The following TDRD9 variants were observed in gnomAD, a reference collection of about 807,000 sequenced individuals.
TDRD9 encodes tudor domain containing 9, also known as ATP-dependent RNA helicase TDRD9.
In TDRD9, 124 loss-of-function variants were observed where a neutral mutation model predicts 172.6. That is an observed-to-expected ratio of 0.72 (90% CI 0.62 to 0.83). The LOEUF is 0.83. Among genes scored for constraint, TDRD9 ranks in the 40% least tolerant of loss-of-function variants. The pLI, the probability that TDRD9 is intolerant of heterozygous loss-of-function variation, is 0.00. For missense variants in TDRD9, 1,479 were observed against 1,714.1 expected, an observed-to-expected ratio of 0.86 and a Z score of 2.42; for synonymous variants, 619 against 617.1, an observed-to-expected ratio of 1.00 and a Z score of -0.05.
At chr14:104,001,768 C>A (rs1179359108) in intron 13 of TDRD9, among the ~76,000 whole-genome samples, 1 of 152,056 alleles carries the variant, frequency 6.6e-6, no homozygotes, top group Admixed American at 6.6e-5. Flanking sequence ...CCCACCACGC[C>A]CAGCTAATTT....
chr14:104,013,515 C>T (rs1280639917), intron 20 of TDRD9: 1 of 152,216 alleles, frequency 6.6e-6, no homozygotes, highest in Non-Finnish European at 1.5e-5. Flanking sequence ...TGGTTCCCAT[C>T]TCAGGGGTGT....
At chr14:104,009,912 T>C (rs1407738276) in intron 20 of TDRD9, among the ~76,000 whole-genome samples, 1 of 151,724 alleles carries the variant, frequency 6.6e-6, no homozygotes, top group Non-Finnish European at 1.5e-5. Flanking sequence ...ACTACAGGCA[T>C]ATGTCACCAC....
chr14:103,984,216 C>T (rs574132320), intron 7 of TDRD9, among the ~76,000 whole-genome samples: 2 of 152,310 alleles, frequency 1.3e-5, no homozygotes, highest in South Asian at 4.1e-4. Context: ...AGGAGAAGTT[C>T]AAGTCAGCTG....
At chr14:104,044,678 C>T (rs985035091) in intron 34 of TDRD9, among the ~76,000 whole-genome samples, 1 of 152,142 alleles carries the variant, frequency 6.6e-6, no homozygotes, top group Non-Finnish European at 1.5e-5. Context: ...CTTTTTTAAT[C>T]CATTCACCAG....
chr14:104,025,672 A>G lies in TDRD9; in HGVS notation c.2827A>G (p.Thr943Ala), dbSNP rs765495916. Reference protein sequence around the residue: ...INQLTLVPLPTHPHPDLVCLA... With the variant: ...INQLTLVPLPAHPHPDLVCLA... ...CCAACTGACGCTGGTGCCCTTGCCC[A>G]CTCACCCACATCCAGACTTGGTCTG... The change falls in exon 26 of 36, where the codon ACT (threonine) becomes GCT (alanine). Residue 943 changes from threonine (T) to alanine (A), a missense_variant. By Grantham distance (58) the Thr-to-Ala change is moderately conservative. Coordinates refer to ENST00000409874, the MANE Select transcript of TDRD9 (RefSeq NM_153046.3). 1 of 1,613,940 alleles carries G rather than the reference A, an allele frequency of 6.2e-7. No individual in the cohort carries two copies. The highest frequency in any genetic ancestry group is 1.1e-5 in the South Asian group (1 of 91,076).
intron 1 of TDRD9, among the ~76,000 whole-genome samples, chr14:103,932,229 G>C (rs1429463952): frequency 1.4e-4 from 21 of 152,216 alleles, no homozygotes. Flanking sequence ...TCTGGTGGCA[G>C]AGCTGGGTTC....
chr14:103,994,651 C>T lies in TDRD9; in HGVS notation c.1320+48C>T, dbSNP rs765369887. The stretch of plus-strand genomic sequence containing the variant: ...TTCTAAGCACTTTAGGTAAATTTTC[C>T]TTAGAGACTCTACTCATGAAAAATA... On this transcript the variant is annotated intron_variant, in intron 11 of 35. Transcript: ENST00000409874. The T allele has an allele frequency of 4.7e-5, 70 of 1,478,324 alleles. No homozygotes were observed. The African/African-American group carries it at 5.7e-4, about 12-fold the overall frequency. The allele number at this position is 1,478,324 out of a possible 1,614,324, so 91.6% of individuals were successfully genotyped here.
At chr14:104,033,102 A>G (rs925467279) in intron 30 of TDRD9, among the ~76,000 whole-genome samples, 1 of 152,174 alleles carries the variant, frequency 6.6e-6, no homozygotes, top group Non-Finnish European at 1.5e-5. Flanking sequence ...AGACGAGGGC[A>G]AACTTTGTAG....
At chr14:103,938,284 C>T (rs532249408) in intron 1 of TDRD9, among the ~76,000 whole-genome samples, 5 of 151,118 alleles carry the variant, frequency 3.3e-5, no homozygotes, top group East Asian at 1.9e-4. Flanking sequence ...CTTTCTATTC[C>T]CTAGCTAAAT....
chr14:103,980,832 G>T lies in TDRD9; in HGVS notation c.1011+5279G>T, dbSNP rs187221198. Among the ~76,000 whole-genome samples, 404 of 152,254 alleles carry T rather than the reference G, an allele frequency of 2.7e-3. 1 individual carries two copies. The highest frequency in any genetic ancestry group is 9.3e-3 in the African/African-American group (388 of 41,556). The stretch of plus-strand genomic sequence containing the variant: ...TGCTAGACCAAGGAGCCCTCTGGTG[G>T]CCCTGTCCGGGCATAACAGAAGGCT... On this transcript the variant is annotated intron_variant, in intron 7 of 35. Coordinates refer to ENST00000409874, the MANE Select transcript of TDRD9 (RefSeq NM_153046.3). The surrounding 1 kb of genome is among the most constrained non-coding windows in gnomAD (Gnocchi z 4.5).
chr14:104,017,951 TAG>T, intron 22 of TDRD9, 139 bp from the exon 23 acceptor site: 2 of 602,508 alleles, frequency 3.3e-6, no homozygotes. Flanking sequence ...CACTGATCTG[TAG>T]AGTTTATATA....
At chr14:103,988,298 C>T (rs1045652307) in intron 8 of TDRD9, among the ~76,000 whole-genome samples, 18 of 152,098 alleles carry the variant, frequency 1.2e-4, no homozygotes, top group Admixed American at 7.2e-4. Context: ...CTCAGCCTCC[C>T]GAATAGCTGG....
intron 1 of TDRD9, among the ~76,000 whole-genome samples, chr14:103,936,612 T>C (rs1365279184): frequency 6.6e-6 from 1 of 152,172 alleles, no homozygotes; most frequent in African/African-American, 2.4e-5. Flanking sequence ...CGATAAAATA[T>C]TTCCAGAATA....
At chr14:103,956,139 TATATATATATAA>T (rs1440466002) in intron 2 of TDRD9, among the ~76,000 whole-genome samples, 1 of 98,768 alleles carries the variant, frequency 1.0e-5, no homozygotes, top group African/African-American at 4.5e-5. Flanking sequence ...TATATATATA[TATATATATATAA>T]TTATTAGGCC....
intron 32 of TDRD9, among the ~76,000 whole-genome samples, chr14:104,038,734 T>C (rs998092038): frequency 6.6e-6 from 1 of 152,322 alleles, no homozygotes; most frequent in Admixed American, 6.5e-5. Context: ...TGGAGTGCAG[T>C]GGTGCCATCT....
chr14:103,993,346 T>C (rs750772606), intron 9 of TDRD9, among the ~76,000 whole-genome samples: 11 of 152,198 alleles, frequency 7.2e-5, no homozygotes, highest in Non-Finnish European at 1.6e-4. Flanking sequence ...TTATAAGTGA[T>C]ATTTTACATT....
At chr14:104,043,538 A>C (rs1479399179) in intron 34 of TDRD9, among the ~76,000 whole-genome samples, 3 of 152,034 alleles carry the variant, frequency 2.0e-5, no homozygotes, top group Non-Finnish European at 4.4e-5. Context: ...CTGGCCAGTA[A>C]AAATATTTTT....
chr14:103,940,968 C>T (rs2031190786), intron 1 of TDRD9: 1 of 1,535,280 alleles, frequency 6.5e-7, no homozygotes, highest in South Asian at 1.2e-5. Flanking sequence ...CAGAGCAGTC[C>T]ATGCTCCCTG....
At position 104,040,232 on chromosome 14, in the gene TDRD9, T is replaced by TTG; in HGVS notation, c.3756_3757dup (p.Gly1253ValfsTer45). Reference sequence around the variant, plus strand: ...ATGGCAAGTACTATACTGGAGTCCTTTGTGGTTTGGGGTGGAATCCAGCTA... The same window carrying TTG: ...ATGGCAAGTACTATACTGGAGTCCTTTGTGTGGTTTGGGGTGGAATCCAGCTA... On this transcript the variant is annotated frameshift_variant, in exon 33 of 36. Transcript: ENST00000409874. LOFTEE classifies it high-confidence loss of function. The TTG allele has an allele frequency of 6.4e-7, 1 of 1,551,078 alleles. No individual in the cohort carries two copies. The highest frequency in any genetic ancestry group is 8.7e-7 in the Non-Finnish European group (1 of 1,146,628).
Sources: gnomAD v4.1 joint callset for allele counts (sites outside exome capture counted in the v4.1 genomes callset) on GRCh38, gnomAD v4.1.1 for gene constraint, Gnocchi (gnomAD v3.1) non-coding constraint, MANE v1.5 for transcripts, NCBI Gene and HGNC (gene_info 2026-07-23, HGNC 2026-07-21) for gene names.